The following NCAPG2 variants were observed in gnomAD, a reference collection of about 807,000 sequenced individuals.
The protein encoded by NCAPG2 is condensin-2 complex subunit G2.
In NCAPG2, 53 loss-of-function variants were observed where a neutral mutation model predicts 141.1. That is an observed-to-expected ratio of 0.38 (90% confidence interval 0.30 to 0.47). The LOEUF (loss-of-function observed/expected upper bound fraction) is 0.47, where lower values mean the gene tolerates loss of function less well. NCAPG2 is among the 20% of genes least tolerant of loss of function. NCAPG2 has a pLI of 0.99. For synonymous variants in NCAPG2, 499 were observed against 490.7 expected, an observed-to-expected ratio of 1.02 and a Z score of -0.22; for missense variants, 1,087 against 1,389.0, an observed-to-expected ratio of 0.78 and a Z score of 3.46.
Position 158,637,190 on chromosome 7 carries a change from A to G in NCAPG2, c.3381-5473T>C, listed in dbSNP as rs545597314. On this transcript the variant is annotated intron_variant, in intron 27 of 27. Transcript: ENST00000356309. ...TCTCGATCTCCTGACCTCGTGATCCACCTGCCTTGGCCTCCCAAAGTGCTG... is the reference window on the plus strand; with the variant it reads ...TCTCGATCTCCTGACCTCGTGATCCGCCTGCCTTGGCCTCCCAAAGTGCTG... Among the ~76,000 whole-genome samples the G allele has an allele frequency of 2.1e-3, 317 of 152,138 alleles. 1 individual carries two copies. The highest frequency in any genetic ancestry group is 3.9e-3 in the South Asian group (19 of 4,814).
intron 11 of NCAPG2, 39 bp downstream of exon 11, chr7:158,679,921 C>G (rs1038363070): frequency 2.5e-6 from 4 of 1,608,650 alleles, no homozygotes; most frequent in Non-Finnish European, 3.4e-6. Flanking sequence ...CTGGACAAAG[C>G]TGATATCTGT....
At chr7:158,670,457 T>G (rs926034869) in intron 13 of NCAPG2, among the ~76,000 whole-genome samples, 1 of 152,024 alleles carries the variant, frequency 6.6e-6, no homozygotes, top group Admixed American at 6.6e-5. Flanking sequence ...TCCTAGCCAC[T>G]TGGGAGGCTC....
chr7:158,663,975 C>T (rs898021773), intron 15 of NCAPG2, among the ~76,000 whole-genome samples: 5 of 152,214 alleles, frequency 3.3e-5, no homozygotes, highest in African/African-American at 1.2e-4. Context: ...AATTTTTCTT[C>T]TGTATTAAGT....
chr7:158,650,611 A>G (rs1166900451), intron 24 of NCAPG2, among the ~76,000 whole-genome samples: 1 of 152,232 alleles, frequency 6.6e-6, no homozygotes, highest in East Asian at 1.9e-4. Context: ...TTTAATCAAG[A>G]GTGATAATAT....
chr7:158,645,687 A>G, intron 25 of NCAPG2, 68 bp from the exon 26 acceptor site: 1 of 1,434,326 alleles, frequency 7.0e-7, no homozygotes, highest in South Asian at 1.2e-5. Context: ...TAGCAGAAGT[A>G]CAGCCAAGGT....
At chr7:158,641,925 C>T (rs1830678916) in intron 27 of NCAPG2, among the ~76,000 whole-genome samples, 1 of 152,138 alleles carries the variant, frequency 6.6e-6, no homozygotes, top group Non-Finnish European at 1.5e-5. Flanking sequence ...AGACTACTTC[C>T]TCCAGCAACA....
chr7:158,647,966 G>C (rs1310016923), intron 24 of NCAPG2, among the ~76,000 whole-genome samples: 1 of 152,102 alleles, frequency 6.6e-6, no homozygotes, highest in Non-Finnish European at 1.5e-5. Context: ...ATTATGGTGT[G>C]AGCTACCGTG....
intron 2 of NCAPG2, among the ~76,000 whole-genome samples, chr7:158,698,667 T>G (rs1324249942): frequency 6.6e-6 from 1 of 152,184 alleles, no homozygotes; most frequent in African/African-American, 2.4e-5. Context: ...TCTCAGAACC[T>G]ATCCTCATCA....
intron 16 of NCAPG2, among the ~76,000 whole-genome samples, chr7:158,659,187 G>C (rs1328733677): frequency 1.3e-5 from 2 of 151,820 alleles, no homozygotes; most frequent in Admixed American, 1.3e-4. Flanking sequence ...AAATTAGCCA[G>C]GCATGGTGGC....
At chr7:158,665,031 C>G (rs938229181) in intron 13 of NCAPG2, 15 of 304,086 alleles carry the variant, frequency 4.9e-5, no homozygotes, top group African/African-American at 3.0e-4. Flanking sequence ...ACAGTAAACT[C>G]TCCAATGATA....
In NCAPG2 at chr7:158,671,498, G is replaced by A. The variant is rs774221811; in HGVS notation, c.1479+16C>T. On this transcript the variant is annotated intron_variant, in intron 13 of 27. Coordinates refer to ENST00000356309, the MANE Select transcript of NCAPG2 (RefSeq NM_017760.7). The stretch of plus-strand genomic sequence containing the variant: ...CCTATTTCATGTCATAAGTAAAAAA[G>A]CCCTATTCATCCTACCTTAGCAGCC... 6.2e-7 allele frequency: 1 copy of A among 1,613,758 alleles called. No individual in the cohort carries two copies.
intron 25 of NCAPG2, 65 bp downstream of exon 25, chr7:158,646,395 A>G: frequency 8.2e-7 from 1 of 1,214,126 alleles, no homozygotes; most frequent in Non-Finnish European, 1.2e-6. Context: ...AAGGAATAGA[A>G]CAAAAGCTGC....
intron 27 of NCAPG2, among the ~76,000 whole-genome samples, chr7:158,637,399 C>T (rs1352945570): frequency 2.3e-5 from 3 of 132,986 alleles, no homozygotes. Flanking sequence ...CCGTGGGGTG[C>T]TGGAAGGTCA....
chr7:158,640,803 A>G (rs1477221770), intron 27 of NCAPG2: 1 of 152,204 alleles, frequency 6.6e-6, no homozygotes, highest in Non-Finnish European at 1.5e-5. Flanking sequence ...GTGAAGGTAA[A>G]TAAAAACTTT....
In NCAPG2 at chr7:158,644,382, T is replaced by A. The variant is rs761647414; in HGVS notation, c.3287A>T (p.His1096Leu). The change falls in exon 27 of 28, where the codon CAT becomes CTT. Residue 1096 changes from histidine to leucine, a missense_variant. By Grantham distance (99) the His-to-Leu change is moderately conservative (BLOSUM62 -3). Transcript: ENST00000356309. ...HIILVINAGK[H>L]KSSKVREVAA... The stretch of plus-strand genomic sequence containing the variant: ...AACCTCCCTCACTTTTGAGCTTTTA[T>A]GTTTACCTGGGAAAATTATATTAAA... 12 of 1,612,922 alleles carry A rather than the reference T, an allele frequency of 7.4e-6. No individual in the cohort carries two copies. Among genetic ancestry groups the A allele is most frequent in the Non-Finnish European group, 9.3e-6 (11 of 1,178,910 alleles).
In NCAPG2 at chr7:158,654,600, T is replaced by C; in HGVS notation, c.2741A>G (p.Gln914Arg). Residue 914 changes from glutamine (Q) to arginine (R), a missense_variant, in exon 22 of 28, where the codon CAA (glutamine) becomes CGA (arginine). Gln to Arg is a conservative substitution (Grantham distance 43, BLOSUM62 1). Coordinates refer to ENST00000356309, the MANE Select transcript of NCAPG2 (RefSeq NM_017760.7). ...QLLQRSLGIM[Q>R]TVKGFFYVSL... The stretch of plus-strand genomic sequence containing the variant: ...TAAAACAGCCCTGACTGTACCTGTT[T>C]GCATGATTCCAAGACTCCGCTGTAA... The C allele has an allele frequency of 6.2e-7, 1 of 1,613,852 alleles. No individual in the cohort carries two copies. Among genetic ancestry groups the C allele is most frequent in the East Asian group, 2.2e-5 (1 of 44,874 alleles).
At chr7:158,637,489 C>T (rs1485472313) in intron 27 of NCAPG2, among the ~76,000 whole-genome samples, 1 of 1,520 alleles carries the variant, frequency 6.6e-4, no homozygotes, top group Non-Finnish European at 1.5e-3. Flanking sequence ...AAGCAGCACA[C>T]CAGACAACTA....
At position 158,675,605 on chromosome 7, in the gene NCAPG2, C is replaced by T. The variant is rs751577531; in HGVS notation, c.1198G>A (p.Val400Ile). ...CAGTACTTAGAAGTTATTTTACAAA[C>T]ACCAAGGATCCCTGTGGAACGGACC... ...PMVRSTGILG[V>I]CKITSKYWEM... Residue 400 changes from valine to isoleucine, a missense_variant, in exon 12 of 28, where the codon GTT becomes ATT. Physicochemically the swap from Val to Ile is conservative, Grantham distance 29. Transcript: ENST00000356309. 1.2e-6 allele frequency: 2 copies of T among 1,613,722 alleles called. No homozygotes were observed. The highest frequency in any genetic ancestry group is 4.5e-5 in the East Asian group (2 of 44,878).
In NCAPG2 at chr7:158,646,565, TA is replaced by T; in HGVS notation, c.3076-3del. On this transcript the variant is annotated splice_polypyrimidine_tract_variant and splice_region_variant and intron_variant, in intron 24 of 27. Coordinates refer to ENST00000356309, the MANE Select transcript of NCAPG2 (RefSeq NM_017760.7). ...GGTAAGCTCTTCTACGTCAGAAACC[TA>T]AAAAAGTTCCAAATCAGCAAGTTGT... is the stretch of plus-strand genomic sequence containing the variant. 6.4e-7 allele frequency: 1 copy of T among 1,566,870 alleles called. No homozygotes were observed. The highest frequency in any genetic ancestry group is 8.6e-7 in the Non-Finnish European group (1 of 1,164,058).
Sources: gnomAD v4.1 joint callset for allele counts (sites outside exome capture counted in the v4.1 genomes callset) on GRCh38, gnomAD v4.1.1 for gene constraint, MANE v1.5 for transcripts, NCBI Gene and HGNC (gene_info 2026-07-23, HGNC 2026-07-21) for gene names.